PAK1: variants seen among roughly 807,000 people sequenced by gnomAD.
The protein encoded by PAK1 is p21 (RAC1) activated kinase 1.
PAK1 carries 29 observed loss-of-function variants against 67.4 expected under a neutral mutation model. The ratio of observed to expected loss-of-function variants is 0.43; its 90% CI spans 0.32 to 0.59. PAK1 has a LOEUF of 0.59. Ranked by LOEUF, PAK1 falls within the 20% of genes least tolerant of loss-of-function variation. The pLI is 0.07. For missense variants in PAK1, 337 were observed against 670.7 expected (o/e 0.50, Z 5.50); for synonymous variants, 223 against 237.4 (o/e 0.94, Z 0.56).
At chr11:77,483,383 A>G in the PAK1 span, among the ~76,000 whole-genome samples, 1 of 152,212 alleles carries the variant, frequency 6.6e-6, no homozygotes, top group Non-Finnish European at 1.5e-5. Context: ...GAGGAAAGTG[A>G]GGAGGATTAT....
intron 1 of PAK1, among the ~76,000 whole-genome samples, chr11:77,468,516 G>A (rs1957703898): frequency 6.6e-6 from 1 of 152,188 alleles, no homozygotes; most frequent in Non-Finnish European, 1.5e-5. Context: ...AATTTACGAT[G>A]GCACAGGGAA....
At chr11:77,452,116 A>T (rs546257540) in intron 1 of PAK1, among the ~76,000 whole-genome samples, 1 of 152,238 alleles carries the variant, frequency 6.6e-6, no homozygotes, top group Non-Finnish European at 1.5e-5. Context: ...CTAAAAATTC[A>T]TAAGTAAATT....
intron 2 of PAK1, among the ~76,000 whole-genome samples, 173 bp from the exon 3 acceptor site, chr11:77,380,167 C>A (rs548678497): frequency 5.3e-5 from 8 of 152,218 alleles, no homozygotes; most frequent in African/African-American, 1.9e-4. Flanking sequence ...ATACTCAATG[C>A]ATGTTTAAAG....
In PAK1 at chr11:77,336,138, G is replaced by C; in HGVS notation, c.1361C>G (p.Ala454Gly). 6.2e-7 allele frequency: 1 copy of C among 1,613,406 alleles called. No homozygotes were observed. The highest frequency in any genetic ancestry group is 1.1e-5 in the South Asian group (1 of 91,036). The change falls in exon 13 of 15, where the codon GCC becomes GGC. Residue 454 changes from alanine (A) to glycine (G), a missense_variant. Physicochemically the swap from Ala to Gly is moderately conservative, Grantham distance 60. Coordinates refer to ENST00000356341, the MANE Select transcript of PAK1 (RefSeq NM_002576.5). Reference protein sequence around the residue: ...KVDIWSLGIMAIEMIEGEPPY... With the variant: ...KVDIWSLGIMGIEMIEGEPPY... ...AGGCTCCCCTTCAATCATTTCGATG[G>C]CCATGATGCCCAGGGACCAGATGTC...
At chr11:77,521,672 G>A in the PAK1 span, among the ~76,000 whole-genome samples, 1 of 152,206 alleles carries the variant, frequency 6.6e-6, no homozygotes, top group Non-Finnish European at 1.5e-5. Context: ...ATAGCTAGTG[G>A]TGATAGTTAT....
intron 1 of PAK1, among the ~76,000 whole-genome samples, chr11:77,392,779 T>C (rs1449922991): frequency 2.0e-5 from 3 of 152,190 alleles, no homozygotes; most frequent in Non-Finnish European, 4.4e-5. Context: ...TTCTGAGACA[T>C]TGCAAAGCAC....
At chr11:77,392,204 G>A (rs926827576) in intron 2 of PAK1, 127 bp downstream of exon 2, 1 of 681,178 alleles carries the variant, frequency 1.5e-6, no homozygotes, top group African/African-American at 1.8e-5. Flanking sequence ...GGGAGAAAGG[G>A]AAATATTTAA....
intron 1 of PAK1, chr11:77,408,089 G>A (rs1202395126): frequency 2.6e-5 from 4 of 152,232 alleles, no homozygotes; most frequent in Admixed American, 6.5e-5. Flanking sequence ...CCACTGTCTT[G>A]CTAAATCAAA....
chr11:77,349,157 G>T, intron 9 of PAK1, 82 bp downstream of exon 9: 55 of 850,724 alleles, frequency 6.5e-5, no homozygotes, highest in Non-Finnish European at 8.8e-5. Flanking sequence ...AACTGTTCCT[G>T]TTGACCTAAC....
At chr11:77,421,021 T>A (rs1230501166) in intron 1 of PAK1, among the ~76,000 whole-genome samples, 1 of 152,170 alleles carries the variant, frequency 6.6e-6, no homozygotes, top group East Asian at 1.9e-4. Context: ...TTAAAACATG[T>A]CTCAGATCAC....
chr11:77,333,778 C>T (rs1942164290), intron 13 of PAK1, among the ~76,000 whole-genome samples: 1 of 152,136 alleles, frequency 6.6e-6, no homozygotes, highest in African/African-American at 2.4e-5. Flanking sequence ...TACATAAGCA[C>T]TGTCTAATTT....
intron 5 of PAK1, among the ~76,000 whole-genome samples, chr11:77,361,819 A>C (rs746909471): frequency 6.6e-6 from 1 of 152,144 alleles, no homozygotes; most frequent in Admixed American, 6.5e-5. Flanking sequence ...ATGTTGTATG[A>C]ATAGCACTTT....
the PAK1 span, among the ~76,000 whole-genome samples, chr11:77,494,320 A>C: frequency 3.3e-5 from 5 of 150,148 alleles, no homozygotes; most frequent in Non-Finnish European, 7.4e-5. Context: ...TCTATGTACT[A>C]GTGTGAAAAG....
At chr11:77,465,077 C>A (rs1163755383) in intron 1 of PAK1, among the ~76,000 whole-genome samples, 1 of 151,838 alleles carries the variant, frequency 6.6e-6, no homozygotes, top group African/African-American at 2.4e-5. Context: ...TGTCCTGGAA[C>A]CTTTACCACA....
At chr11:77,438,694 G>A (rs1359994940) in intron 1 of PAK1, among the ~76,000 whole-genome samples, 3 of 152,110 alleles carry the variant, frequency 2.0e-5, no homozygotes, top group African/African-American at 7.2e-5. Context: ...AAGACATCTA[G>A]GTCTTGCTAC....
chr11:77,429,056 TAAAAAAAAAAAAAAAAAAAAAAAAA>T (rs566874549), intron 1 of PAK1, among the ~76,000 whole-genome samples: 6 of 49,000 alleles, frequency 1.2e-4, no homozygotes, highest in South Asian at 1.3e-3. Flanking sequence ...CATTTAATAC[TAAAAAAAAAAAAAAAAAAAAAAAAA>T]AAAAAAAAAA....
At chr11:77,520,381 C>T in the PAK1 span, among the ~76,000 whole-genome samples, 138 of 152,188 alleles carry the variant, frequency 9.1e-4, no homozygotes, top group African/African-American at 3.2e-3. Flanking sequence ...GTGTGATGGC[C>T]TGAAGGGGAG....
chr11:77,389,064 A>G (rs551483882), intron 2 of PAK1, among the ~76,000 whole-genome samples: 3 of 152,278 alleles, frequency 2.0e-5, no homozygotes, highest in South Asian at 4.2e-4. Flanking sequence ...CACCCCTCTT[A>G]GTAATCATCT....
intron 14 of PAK1, among the ~76,000 whole-genome samples, chr11:77,327,646 G>A (rs1470956525): frequency 4.0e-5 from 6 of 151,200 alleles, no homozygotes; most frequent in African/African-American, 1.5e-4. Context: ...ACTAAACATG[G>A]AAAGGAACAA....
Sources: gnomAD v4.1 joint callset for allele counts (sites outside exome capture counted in the v4.1 genomes callset) on GRCh38, gnomAD v4.1.1 for gene constraint, MANE v1.5 for transcripts, NCBI Gene and HGNC (gene_info 2026-07-23, HGNC 2026-07-21) for gene names.